The following ZEB1 variants were observed in gnomAD, a reference collection of about 807,000 sequenced individuals.
ZEB1 encodes zinc finger E-box binding homeobox 1.
Under a neutral mutation model 84.9 loss-of-function variants are expected in ZEB1, and 21 were observed. The observed-to-expected ratio is 0.25, with a 90% CI of 0.18 to 0.36. The LOEUF (loss-of-function observed/expected upper bound fraction) is 0.36. Among genes scored for constraint, ZEB1 ranks in the 10% least tolerant of loss-of-function variants. The pLI is 1.00. For missense variants in ZEB1, 1,104 were observed against 1,330.2 expected (o/e 0.83, Z 2.65); for synonymous variants, 420 against 471.1 (o/e 0.89, Z 1.41).
At chr10:31,348,095 G>T (rs1460973760) in intron 1 of ZEB1, among the ~76,000 whole-genome samples, 2 of 152,102 alleles carry the variant, frequency 1.3e-5, no homozygotes, top group African/African-American at 4.8e-5. Context: ...CTATTCTACT[G>T]GCCTTAATTC....
Position 31,520,484 on chromosome 10 carries a change from A to C in ZEB1, c.1152A>C (p.Ala384=). 1 of 1,613,998 alleles carries C rather than the reference A, an allele frequency of 6.2e-7. No homozygotes were observed. Among genetic ancestry groups the C allele is most frequent in the East Asian group, 2.2e-5 (1 of 44,872 alleles). ...GVFTGGGPLQ[A]TSSPQGMVQA... is the part of the protein sequence containing the mutation. ...TCACTGGTGGTGGCCCATTACAGGC[A>C]ACCAGTTCTCCTCAGGGCATGGTGC... is the stretch of plus-strand genomic sequence containing the variant. The change falls in exon 7 of 9, where the codon GCA becomes GCC. Residue 384 remains alanine, a synonymous_variant. Transcript: ENST00000424869. This position sits in a 1 kb window ranked among gnomAD's most constrained non-coding sequence, Gnocchi z 5.1.
At chr10:31,410,670 C>G (rs937543203) in intron 1 of ZEB1, among the ~76,000 whole-genome samples, 1 of 152,138 alleles carries the variant, frequency 6.6e-6, no homozygotes, top group Admixed American at 6.5e-5. Context: ...TAATTACTGC[C>G]TCAGTTTCAG....
chr10:31,494,552 C>G (rs920897253), intron 2 of ZEB1, among the ~76,000 whole-genome samples: 4 of 151,908 alleles, frequency 2.6e-5, no homozygotes, highest in African/African-American at 4.8e-5. Flanking sequence ...ATTTAACAAT[C>G]AAACCTAAGA....
At chr10:31,373,749 T>C (rs1222603617) in intron 1 of ZEB1, among the ~76,000 whole-genome samples, 2 of 151,918 alleles carry the variant, frequency 1.3e-5, no homozygotes, top group Non-Finnish European at 2.9e-5. Flanking sequence ...ATAAGACGTT[T>C]ATACTCTATA....
chr10:31,332,865 A>G (rs973162611), intron 1 of ZEB1, among the ~76,000 whole-genome samples: 3 of 152,188 alleles, frequency 2.0e-5, no homozygotes, highest in African/African-American at 4.8e-5. Flanking sequence ...TTTGTGTTCT[A>G]TGTTATTATA....
intron 1 of ZEB1, among the ~76,000 whole-genome samples, chr10:31,389,933 G>GTA (rs2049326888): frequency 6.6e-6 from 1 of 152,084 alleles, no homozygotes; most frequent in African/African-American, 2.4e-5. Flanking sequence ...CACGTGGCTA[G>GTA]TAGGTACCAT....
Position 31,361,310 on chromosome 10 carries a change from A to T in ZEB1, c.58+42018A>T, listed in dbSNP as rs559621142. ...CGGGTTCAAGCCATTCTCCTGCCTC[A>T]GCCTCCTGAGTAGCTGGGACTACAG... On this transcript the variant is annotated intron_variant, in intron 1 of 8. Coordinates refer to ENST00000424869, the MANE Select transcript of ZEB1 (RefSeq NM_001174096.2). 5.5e-5 allele frequency: 68 copies of T among 1,226,172 alleles called. No individual in the cohort carries two copies. The East Asian group carries it at 1.5e-3, about 27-fold the overall frequency. The allele number at this position is 1,226,172 out of a possible 1,614,324, so 76.0% of individuals were successfully genotyped here.
At chr10:31,424,542 C>T (rs2056682809) in intron 1 of ZEB1, among the ~76,000 whole-genome samples, 1 of 151,830 alleles carries the variant, frequency 6.6e-6, no homozygotes, top group Non-Finnish European at 1.5e-5. Context: ...GGATTTGAGT[C>T]CCTTATGTAC....
chr10:31,478,381 G>T (rs143017204), intron 2 of ZEB1, among the ~76,000 whole-genome samples: 264 of 151,986 alleles, frequency 1.7e-3, no homozygotes, highest in African/African-American at 6.2e-3. Context: ...CAGAGAGAAG[G>T]GTATTCTTAT....
chr10:31,513,673 G>T (rs975408047), intron 5 of ZEB1, among the ~76,000 whole-genome samples: 2 of 152,174 alleles, frequency 1.3e-5, no homozygotes, highest in African/African-American at 4.8e-5. Flanking sequence ...TAAAGGCTGG[G>T]TAGAATCTTA....
intron 1 of ZEB1, among the ~76,000 whole-genome samples, chr10:31,382,591 G>A (rs190962024): frequency 1.7e-3 from 260 of 152,082 alleles, no homozygotes; most frequent in Middle Eastern, 0.014. Flanking sequence ...AAAATCATCC[G>A]TATATTACAC....
chr10:31,453,635 G>T (rs377673037), intron 1 of ZEB1, among the ~76,000 whole-genome samples: 29 of 152,072 alleles, frequency 1.9e-4, no homozygotes, highest in African/African-American at 6.5e-4. Flanking sequence ...TATTGACCTC[G>T]CAAATAAACT....
At chr10:31,394,304 T>C (rs965385463) in intron 1 of ZEB1, among the ~76,000 whole-genome samples, 3 of 152,162 alleles carry the variant, frequency 2.0e-5, no homozygotes, top group Non-Finnish European at 2.9e-5. Context: ...CGGTGAAATA[T>C]CTTGCAAGTC....
intron 2 of ZEB1, among the ~76,000 whole-genome samples, chr10:31,472,258 T>C (rs1300382349): frequency 6.6e-6 from 1 of 151,846 alleles, no homozygotes; most frequent in Non-Finnish European, 1.5e-5. Flanking sequence ...CTTCAAAAAA[T>C]TAATTAATCC....
intron 2 of ZEB1, among the ~76,000 whole-genome samples, chr10:31,477,038 A>G (rs747142366): frequency 6.6e-6 from 1 of 152,076 alleles, no homozygotes; most frequent in African/African-American, 2.4e-5. Context: ...TCTATTCAAC[A>G]TAGTACTGGA....
chr10:31,523,270 C>T (rs36064616), intron 7 of ZEB1, among the ~76,000 whole-genome samples: 62 of 152,328 alleles, frequency 4.1e-4, no homozygotes, highest in Non-Finnish European at 6.9e-4. Context: ...AAAATTATCT[C>T]CATGAGACTG....
chr10:31,354,477 G>A (rs2041811080), intron 1 of ZEB1, among the ~76,000 whole-genome samples: 1 of 152,072 alleles, frequency 6.6e-6, no homozygotes, highest in African/African-American at 2.4e-5. Flanking sequence ...GGGGGAGGAG[G>A]AGAATTTTTC....
chr10:31,467,401 A>G (rs1357300123), intron 2 of ZEB1, among the ~76,000 whole-genome samples: 2 of 152,072 alleles, frequency 1.3e-5, no homozygotes, highest in African/African-American at 4.8e-5. Flanking sequence ...AGTGGGGCCC[A>G]TGCATGTTCA....
At chr10:31,498,880 CAG>C (rs898678499) in intron 3 of ZEB1, among the ~76,000 whole-genome samples, 1 of 151,858 alleles carries the variant, frequency 6.6e-6, no homozygotes, top group Non-Finnish European at 1.5e-5. Flanking sequence ...ACTTCATAAA[CAG>C]TAATTAATTG....
Sources: allele counts gnomAD v4.1 joint callset (sites outside exome capture counted in the v4.1 genomes callset), GRCh38; gene constraint gnomAD v4.1.1; non-coding constraint Gnocchi (gnomAD v3.1); transcripts MANE v1.5; gene names NCBI Gene and HGNC (gene_info 2026-07-23, HGNC 2026-07-21).